The following FOLH1 variants were observed in gnomAD, a reference collection of about 807,000 sequenced individuals.
FOLH1 encodes glutamate carboxypeptidase 2.
A neutral mutation model predicts 93.9 loss-of-function variants in FOLH1; 54 were observed. That is an observed-to-expected ratio of 0.57 (90% CI 0.46 to 0.72). The LOEUF (loss-of-function observed/expected upper bound fraction) is 0.72, where lower values mean the gene tolerates loss of function less well. FOLH1 is among the 30% of genes least tolerant of loss of function. FOLH1 has a pLI of 0.00. For synonymous variants in FOLH1, 249 were observed against 303.6 expected (o/e 0.82, Z 1.87); for missense variants, 571 against 892.5 (o/e 0.64, Z 4.59).
chr11:49,203,491 A>G (rs891488399), intron 2 of FOLH1, among the ~76,000 whole-genome samples: 7 of 152,256 alleles, frequency 4.6e-5, no homozygotes, highest in Non-Finnish European at 7.3e-5. Context: ...TCTCTGACCC[A>G]TGGGTATATT....
chr11:49,150,908 T>C (rs1421728782), intron 17 of FOLH1, among the ~76,000 whole-genome samples: 1 of 152,224 alleles, frequency 6.6e-6, no homozygotes, highest in Non-Finnish European at 1.5e-5. Context: ...TTAGTTTTAC[T>C]AAAAGAGCAT....
chr11:49,150,096 C>T (rs1042827678), intron 17 of FOLH1, among the ~76,000 whole-genome samples: 1 of 152,106 alleles, frequency 6.6e-6, no homozygotes, highest in Non-Finnish European at 1.5e-5. Context: ...CCTGGGATTA[C>T]AGTGAATAAT....
intron 4 of FOLH1, among the ~76,000 whole-genome samples, chr11:49,189,357 G>C (rs1861768519): frequency 6.6e-6 from 1 of 152,082 alleles, no homozygotes; most frequent in Admixed American, 6.6e-5. Context: ...TTCATAGCAT[G>C]TACACGACAA....
intron 17 of FOLH1, among the ~76,000 whole-genome samples, chr11:49,152,132 T>A (rs1219085967): frequency 6.6e-6 from 1 of 152,136 alleles, no homozygotes; most frequent in Non-Finnish European, 1.5e-5. Context: ...TTGTTAGGAT[T>A]ATAAAATGTT....
intron 17 of FOLH1, among the ~76,000 whole-genome samples, chr11:49,151,410 G>A (rs1340138689): frequency 6.7e-6 from 1 of 148,704 alleles, no homozygotes. Flanking sequence ...GCGTGCGCGT[G>A]CGTGCACACA....
At chr11:49,148,559 T>C (rs1856042489) in intron 18 of FOLH1, 80 bp downstream of exon 18, 13 of 1,093,998 alleles carry the variant, frequency 1.2e-5, no homozygotes, top group East Asian at 5.3e-5. Flanking sequence ...AACTACAATA[T>C]TTTTTCCACA....
chr11:49,206,291 G>A lies in FOLH1; in HGVS notation c.119-119C>T, dbSNP rs781085784. ...ATTATCAATATTACCTCTGACATTA[G>A]GTGAGATATTTCTGAATTTTAATTT... is the stretch of plus-strand genomic sequence containing the variant. On this transcript the variant is annotated intron_variant, in intron 1 of 18. Transcript: ENST00000256999. 11 of 1,444,676 alleles carry A rather than the reference G, an allele frequency of 7.6e-6. No individual in the cohort carries two copies. In the South Asian group the frequency reaches 1.3e-4, roughly 17 times the overall value. 89.5% of individuals were successfully genotyped at this position (1,444,676 alleles called of 1,614,324 possible).
intron 13 of FOLH1, among the ~76,000 whole-genome samples, chr11:49,164,037 G>T (rs1447651510): frequency 6.6e-6 from 1 of 152,086 alleles, no homozygotes; most frequent in Non-Finnish European, 1.5e-5. Flanking sequence ...CCCAATGTGA[G>T]TATCTGCTCG....
intron 7 of FOLH1, among the ~76,000 whole-genome samples, chr11:49,179,121 C>A (rs1860429796): frequency 6.6e-6 from 1 of 152,138 alleles, no homozygotes; most frequent in Admixed American, 6.6e-5. Context: ...GAAGGTTTCA[C>A]TTGATCTGGA....
In FOLH1 at chr11:49,188,143, A is replaced by T. The variant is rs551096766; in HGVS notation, c.514-1374T>A. 2.6e-5 allele frequency among the ~76,000 whole-genome samples: 4 copies of T among 152,332 alleles called. No individual in the cohort carries two copies. In the East Asian group the frequency reaches 7.7e-4, roughly 29 times the overall value. On this transcript the variant is annotated intron_variant, in intron 4 of 18. Transcript: ENST00000256999. ...AATCACTGTCAAATTTCCTTGAATC[A>T]GTATATCTTTATAAGTCAAATTTTT...
chr11:49,160,303 G>A (rs1428076061), intron 13 of FOLH1, among the ~76,000 whole-genome samples: 2 of 151,968 alleles, frequency 1.3e-5, no homozygotes, highest in Non-Finnish European at 2.9e-5. Flanking sequence ...ATTTTGAAGG[G>A]TTTTTCATGT....
rs76760285 is a variant in FOLH1 at position 49,158,402 on chromosome 11, G to C, written c.1441-359C>G. On this transcript the variant is annotated intron_variant, in intron 13 of 18. Coordinates refer to ENST00000256999, the MANE Select transcript of FOLH1 (RefSeq NM_004476.3). Reference sequence around the variant, plus strand: ...AAACTATTTCTCATCTCACAACAAAGAAAATAAAAAGAAGTAAGCTGGTTA... The same window carrying C: ...AAACTATTTCTCATCTCACAACAAACAAAATAAAAAGAAGTAAGCTGGTTA... 2.5e-3 allele frequency among the ~76,000 whole-genome samples: 376 copies of C among 152,138 alleles called. 1 individual carries two copies. Among genetic ancestry groups the C allele is most frequent in the African/African-American group, 8.6e-3 (359 of 41,538 alleles).
At chr11:49,171,308 A>G (rs1307123600) in intron 10 of FOLH1, 31 bp from the exon 11 acceptor site, 2 of 1,525,400 alleles carry the variant, frequency 1.3e-6, no homozygotes, top group Non-Finnish European at 1.8e-6. Context: ...TAAATGATAG[A>G]AAAAAAATTC....
intron 13 of FOLH1, among the ~76,000 whole-genome samples, chr11:49,163,155 C>T (rs1319083178): frequency 3.9e-5 from 6 of 151,986 alleles, no homozygotes; most frequent in African/African-American, 1.5e-4. Flanking sequence ...TTGGACACTC[C>T]GAAGTCTGAA....
rs370741711 is a variant in FOLH1, at chr11:49,164,741, C to T, written c.1404G>A (p.Pro468=). Reference sequence around the variant, plus strand: ...GGTTGTGTACCAAGCTGTACATCAGCGGTGTACAATCAACTCTCAGAGTGT... The same window carrying T: ...GGTTGTGTACCAAGCTGTACATCAGTGGTGTACAATCAACTCTCAGAGTGT... ...GNYTLRVDCT[P]LMYSLVHNLT... The change falls in exon 13 of 19, where the codon CCG becomes CCA. Residue 468 remains proline (P), a synonymous_variant. Transcript: ENST00000256999. 86 of 1,604,494 alleles carry T rather than the reference C, an allele frequency of 5.4e-5. No homozygotes were observed. Among genetic ancestry groups the T allele is most frequent in the South Asian group, 1.8e-4 (16 of 89,602 alleles).
intron 12 of FOLH1, among the ~76,000 whole-genome samples, chr11:49,166,156 G>A (rs1189671551): frequency 6.6e-6 from 1 of 152,174 alleles, no homozygotes; most frequent in African/African-American, 2.4e-5. Context: ...AAGTGAAACC[G>A]AGATATGTGC....
chr11:49,161,392 T>C lies in FOLH1; in HGVS notation c.1440+3313A>G, dbSNP rs141764559. Reference sequence around the variant, plus strand: ...TACCGTTACGTGATGCCCTTCTTTGTCTTTTTTTTTATCTTTGTTGGTTTA... The same window carrying C: ...TACCGTTACGTGATGCCCTTCTTTGCCTTTTTTTTTATCTTTGTTGGTTTA... On this transcript the variant is annotated intron_variant, in intron 13 of 18. Coordinates refer to ENST00000256999, the MANE Select transcript of FOLH1 (RefSeq NM_004476.3). 8.6e-3 allele frequency among the ~76,000 whole-genome samples: 1,315 copies of C among 152,282 alleles called. 23 individuals carry two copies. The highest frequency in any genetic ancestry group is 0.031 in the African/African-American group (1,281 of 41,546).
At chr11:49,187,340 A>G (rs557356604) in intron 4 of FOLH1, among the ~76,000 whole-genome samples, 1 of 152,196 alleles carries the variant, frequency 6.6e-6, no homozygotes, top group Non-Finnish European at 1.5e-5. Flanking sequence ...TGATCTTCCA[A>G]CCTTTTTTGC....
intron 4 of FOLH1, among the ~76,000 whole-genome samples, chr11:49,187,049 C>A (rs1299219512): frequency 6.6e-6 from 1 of 152,144 alleles, no homozygotes; most frequent in Non-Finnish European, 1.5e-5. Flanking sequence ...CCCCCACACA[C>A]ACACAGAAAA....
Sources: gnomAD v4.1 joint callset for allele counts (sites outside exome capture counted in the v4.1 genomes callset) on GRCh38, gnomAD v4.1.1 for gene constraint, MANE v1.5 for transcripts, NCBI Gene and HGNC (gene_info 2026-07-23, HGNC 2026-07-21) for gene names.